Variants in TRPC6 observed in about 807,000 individuals in gnomAD.
The protein encoded by TRPC6 is transient receptor potential cation channel subfamily C member 6.
In TRPC6, 55 loss-of-function variants were observed where a neutral mutation model predicts 90.7. The observed-to-expected ratio is 0.61, with a 90% CI of 0.49 to 0.76. The LOEUF (loss-of-function observed/expected upper bound fraction) is 0.76. TRPC6 is among the 30% of genes least tolerant of loss of function. The pLI is 0.00. For missense variants in TRPC6, 989 were observed against 1,122.7 expected (o/e 0.88, Z 1.70); for synonymous variants, 393 against 393.0 (o/e 1.00, Z 0.00).
intron 1 of TRPC6, among the ~76,000 whole-genome samples, chr11:101,515,658 A>G (rs1860499872): frequency 6.6e-6 from 1 of 152,232 alleles, no homozygotes; most frequent in African/African-American, 2.4e-5. Flanking sequence ...TTTAAAAATT[A>G]GAATTTCACA....
intron 1 of TRPC6, among the ~76,000 whole-genome samples, chr11:101,579,138 T>C (rs1341295136): frequency 6.6e-6 from 1 of 152,174 alleles, no homozygotes; most frequent in Non-Finnish European, 1.5e-5. Flanking sequence ...TTAACGATGT[T>C]CATACAAAAT....
rs532012148 is a variant in TRPC6 at position 101,533,904 on chromosome 11, A to G, written c.171-29106T>C. Among the ~76,000 whole-genome samples the G allele has an allele frequency of 6.6e-5, 10 of 152,192 alleles. No homozygotes were observed. In the South Asian group the frequency reaches 2.1e-3, roughly 32 times the overall value. On this transcript the variant is annotated intron_variant, in intron 1 of 12. Coordinates refer to ENST00000344327, the MANE Select transcript of TRPC6 (RefSeq NM_004621.6). ...CAGGCAACTGAGGGCTCCATAATGT[A>G]TTGGCTTACAGCTGATGATCATCCA...
intron 5 of TRPC6, among the ~76,000 whole-genome samples, chr11:101,480,496 A>G (rs1334614904): frequency 6.6e-6 from 1 of 152,078 alleles, no homozygotes; most frequent in African/African-American, 2.4e-5. Context: ...TATATAAAAT[A>G]TAATATGTTC....
chr11:101,583,255 G>C, intron 1 of TRPC6, 79 bp downstream of exon 1: 1 of 1,500,580 alleles, frequency 6.7e-7, no homozygotes, highest in Non-Finnish European at 8.9e-7. Context: ...GCGCGCGGAC[G>C]GACTCGGCCA....
At chr11:101,524,215 G>A (rs1860723800) in intron 1 of TRPC6, among the ~76,000 whole-genome samples, 1 of 152,086 alleles carries the variant, frequency 6.6e-6, no homozygotes, top group South Asian at 2.1e-4. Context: ...CCAACAAATG[G>A]AGACGCAGTG....
chr11:101,466,233 C>T (rs926891283), intron 10 of TRPC6, among the ~76,000 whole-genome samples: 3 of 152,238 alleles, frequency 2.0e-5, no homozygotes, highest in African/African-American at 7.2e-5. Flanking sequence ...AGCTCAAACA[C>T]TGTGCTGGTA....
chr11:101,510,814 C>T (rs1048243557), intron 1 of TRPC6, among the ~76,000 whole-genome samples: 9 of 152,256 alleles, frequency 5.9e-5, no homozygotes, highest in Admixed American at 5.2e-4. Context: ...GAGTCCACAG[C>T]ATGTGTAGTA....
intron 1 of TRPC6, among the ~76,000 whole-genome samples, chr11:101,582,222 T>C (rs1361307729): frequency 6.6e-6 from 1 of 152,232 alleles, no homozygotes; most frequent in African/African-American, 2.4e-5. Flanking sequence ...ATGCTCCCTT[T>C]ACTGCGGCTC....
intron 10 of TRPC6, 151 bp downstream of exon 10, chr11:101,469,276 A>AACAGAATTGTTGAGATTTAG (rs1859228663): frequency 4.8e-6 from 3 of 627,496 alleles, no homozygotes; most frequent in African/African-American, 1.8e-5. Flanking sequence ...CTACCTCTCA[A>AACAGAATTGTTGAGATTTAG]TAACAGAATT....
At chr11:101,533,883 C>T (rs553476748) in intron 1 of TRPC6, among the ~76,000 whole-genome samples, 2 of 152,276 alleles carry the variant, frequency 1.3e-5, no homozygotes, top group African/African-American at 4.8e-5. Context: ...CCCACTCAGG[C>T]AACTGAGGGC....
intron 4 of TRPC6, 22 bp downstream of exon 4, chr11:101,488,915 G>C: frequency 6.2e-7 from 1 of 1,613,780 alleles, no homozygotes; most frequent in Non-Finnish European, 8.5e-7. Flanking sequence ...AGATAATAGA[G>C]GTCCAGGCTT....
intron 1 of TRPC6, among the ~76,000 whole-genome samples, chr11:101,536,877 T>A (rs1861061468): frequency 6.6e-6 from 1 of 152,198 alleles, no homozygotes; most frequent in African/African-American, 2.4e-5. Flanking sequence ...CAAGACTAGA[T>A]GCAAGGAGAC....
intron 1 of TRPC6, among the ~76,000 whole-genome samples, chr11:101,511,633 C>T (rs892057208): frequency 6.6e-6 from 1 of 151,976 alleles, no homozygotes; most frequent in Non-Finnish European, 1.5e-5. Context: ...AGTTGAAAGC[C>T]GTGTTTTTAA....
In TRPC6 at chr11:101,551,462, T is replaced by TA. The variant is rs1027725282; in HGVS notation, c.170+31871dup. On this transcript the variant is annotated intron_variant, in intron 1 of 12. Transcript: ENST00000344327. ...TCTTTGTTGGCATAATTTCTCTTTT[T>TA]AAAAAATAACTTAATACAAATTATT... Among the ~76,000 whole-genome samples the TA allele has an allele frequency of 1.7e-3, 259 of 152,090 alleles. 1 individual carries two copies. Among genetic ancestry groups the TA allele is most frequent in the African/African-American group, 5.9e-3 (244 of 41,524 alleles).
intron 1 of TRPC6, among the ~76,000 whole-genome samples, chr11:101,562,211 T>C (rs943718417): frequency 2.6e-5 from 4 of 152,020 alleles, no homozygotes; most frequent in African/African-American, 7.2e-5. Context: ...AGAGACATAA[T>C]TGACTTAAAA....
intron 3 of TRPC6, chr11:101,491,303 G>A (rs1859800401): frequency 5.5e-6 from 2 of 364,806 alleles, no homozygotes; most frequent in East Asian, 6.6e-5. Flanking sequence ...GCGTGGTGGT[G>A]GGCGCCTGTA....
At position 101,547,891 on chromosome 11, in the gene TRPC6, G is replaced by A. The variant is rs537546147; in HGVS notation, c.170+35443C>T. On this transcript the variant is annotated intron_variant, in intron 1 of 12. Transcript: ENST00000344327. ...CATTCAGAATCATATAGCCAACTAA[G>A]GAACACTGAAATAAGACTACTAGAC... Among the ~76,000 whole-genome samples the A allele has an allele frequency of 7.9e-5, 12 of 152,150 alleles. No individual in the cohort carries two copies. The South Asian group carries it at 2.5e-3, about 32-fold the overall frequency.
Position 101,583,572 on chromosome 11 carries a change from C to G in TRPC6, c.-69G>C. Reference sequence around the variant, plus strand: ...CGAGTGGGCAGTTCCAGCGGGGACCCGGTGCGGAGGGTTCGCGTCAGCGGC... The same window carrying G: ...CGAGTGGGCAGTTCCAGCGGGGACCGGGTGCGGAGGGTTCGCGTCAGCGGC... On this transcript the variant is annotated 5_prime_UTR_variant, in exon 1 of 13. Transcript: ENST00000344327. The G allele has an allele frequency of 7.2e-7, 1 of 1,394,948 alleles. No individual in the cohort carries two copies. 86.4% of individuals were successfully genotyped at this position (1,394,948 alleles called of 1,614,324 possible).
In TRPC6 at chr11:101,480,203, T is replaced by C. The variant is rs553679939; in HGVS notation, c.1510+2746A>G. 1.5e-4 allele frequency among the ~76,000 whole-genome samples: 23 copies of C among 152,114 alleles called. No homozygotes were observed. In the South Asian group the frequency reaches 4.6e-3, roughly 30 times the overall value. On this transcript the variant is annotated intron_variant, in intron 5 of 12. Transcript: ENST00000344327. ...CAAAATAAATAAAATAAAAAATCAA[T>C]GAAACTAAGACTAGTATGAGGAGAA...
Sources: allele counts gnomAD v4.1 joint callset (sites outside exome capture counted in the v4.1 genomes callset), GRCh38; gene constraint gnomAD v4.1.1; transcripts MANE v1.5; gene names NCBI Gene and HGNC (gene_info 2026-07-23, HGNC 2026-07-21).